The following MEI4 variants were observed in gnomAD, a reference collection of about 807,000 sequenced individuals.
The protein encoded by MEI4 is meiosis-specific protein MEI4.
Under a neutral mutation model 31.4 loss-of-function variants are expected in MEI4, and 27 were observed. The observed-to-expected ratio is 0.86, with a 90% confidence interval of 0.63 to 1.19. MEI4 has a LOEUF of 1.19. MEI4 is among the 50% of genes most tolerant of loss of function. The pLI is 0.00. For synonymous variants in MEI4, 122 were observed against 145.4 expected, an observed-to-expected ratio of 0.84 and a Z score of 1.16; for missense variants, 329 against 398.9, an observed-to-expected ratio of 0.82 and a Z score of 1.49.
At chr6:77,906,300 T>C (rs1018634842) in intron 4 of MEI4, among the ~76,000 whole-genome samples, 1 of 152,180 alleles carries the variant, frequency 6.6e-6, no homozygotes, top group African/African-American at 2.4e-5. Flanking sequence ...AGTCATTTAT[T>C]CAGACTCTGC....
chr6:77,740,934 T>C (rs563546967), intron 2 of MEI4, among the ~76,000 whole-genome samples: 1 of 152,172 alleles, frequency 6.6e-6, no homozygotes, highest in East Asian at 1.9e-4. Flanking sequence ...GTCTTTACAA[T>C]AGGGAGTCAC....
chr6:77,741,785 A>G (rs1181900814), intron 2 of MEI4, among the ~76,000 whole-genome samples: 1 of 98,626 alleles, frequency 1.0e-5, no homozygotes, highest in African/African-American at 4.0e-5. Context: ...CCACCCCACA[A>G]CAGTCCCCAG....
At chr6:77,787,059 A>G (rs1370486102) in intron 3 of MEI4, among the ~76,000 whole-genome samples, 1 of 152,166 alleles carries the variant, frequency 6.6e-6, no homozygotes, top group Non-Finnish European at 1.5e-5. Context: ...CCCTTCTCAG[A>G]TGTACCCTGA....
At chr6:77,727,336 C>T (rs1466714296) in intron 2 of MEI4, among the ~76,000 whole-genome samples, 1 of 152,162 alleles carries the variant, frequency 6.6e-6, no homozygotes, top group Non-Finnish European at 1.5e-5. Context: ...CATTTGTCCT[C>T]AGAAGTGAAG....
At chr6:77,911,690 G>A (rs1441602041) in intron 4 of MEI4, among the ~76,000 whole-genome samples, 1 of 148,016 alleles carries the variant, frequency 6.8e-6, no homozygotes, top group Non-Finnish European at 1.5e-5. Context: ...TATATATAAT[G>A]CATATATTAT....
At chr6:77,907,993 G>GTTTTT (rs36134334) in intron 4 of MEI4, among the ~76,000 whole-genome samples, 1 of 144,294 alleles carries the variant, frequency 6.9e-6, no homozygotes, top group African/African-American at 2.5e-5. Context: ...TGTTGATGGG[G>GTTTTT]TTTTTTTTTT....
At chr6:77,721,052 G>T (rs1278280979) in intron 2 of MEI4, among the ~76,000 whole-genome samples, 1 of 93,676 alleles carries the variant, frequency 1.1e-5, no homozygotes, top group African/African-American at 4.5e-5. Context: ...TTGATTACTC[G>T]TTCTTTCGGC....
At chr6:77,752,223 C>T (rs1224403151) in intron 2 of MEI4, among the ~76,000 whole-genome samples, 1 of 152,190 alleles carries the variant, frequency 6.6e-6, no homozygotes, top group African/African-American at 2.4e-5. Context: ...CAAGGATGCC[C>T]TCTCTCACTA....
chr6:77,915,554 G>A (rs1766526360), intron 4 of MEI4, among the ~76,000 whole-genome samples: 1 of 151,816 alleles, frequency 6.6e-6, no homozygotes, highest in Non-Finnish European at 1.5e-5. Flanking sequence ...TCTTGCTATT[G>A]CTCTCTTTGC....
chr6:77,815,661 TAA>T (rs1167897799), intron 3 of MEI4, among the ~76,000 whole-genome samples: 5 of 152,124 alleles, frequency 3.3e-5, no homozygotes, highest in Non-Finnish European at 7.4e-5. Context: ...AGATACTAGG[TAA>T]AGTCTGAGAA....
Position 77,736,566 on chromosome 6 carries a change from C to G in MEI4, c.233-24564C>G, listed in dbSNP as rs536836899. 1.3e-3 allele frequency among the ~76,000 whole-genome samples: 196 copies of G among 152,228 alleles called. 4 individuals carry two copies. The highest frequency in any genetic ancestry group is 4.7e-3 in the African/African-American group (195 of 41,486). On this transcript the variant is annotated intron_variant, in intron 2 of 4. Transcript: ENST00000684080. Reference sequence around the variant, plus strand: ...CCCTAATGAGATGAACCCTGTACCTCAGATGGAAATGCAGAAATCATTCGT... The same window carrying G: ...CCCTAATGAGATGAACCCTGTACCTGAGATGGAAATGCAGAAATCATTCGT...
chr6:77,708,430 A>T (rs944778904), intron 2 of MEI4, among the ~76,000 whole-genome samples: 1 of 152,192 alleles, frequency 6.6e-6, no homozygotes, highest in Non-Finnish European at 1.5e-5. Flanking sequence ...GGTAGAAGGA[A>T]CTTGTCTTGA....
intron 4 of MEI4, among the ~76,000 whole-genome samples, chr6:77,841,861 G>A (rs150734896): frequency 7.8e-4 from 119 of 152,142 alleles, no homozygotes; most frequent in African/African-American, 2.7e-3. Context: ...ATTACATAAT[G>A]AGAAAAGTGT....
At chr6:77,707,499 C>T (rs570211844) in intron 2 of MEI4, among the ~76,000 whole-genome samples, 2 of 152,148 alleles carry the variant, frequency 1.3e-5, no homozygotes, top group South Asian at 4.1e-4. Context: ...ATGAGTTAGA[C>T]AAGGAAAGAG....
chr6:77,803,927 A>T (rs918869973), intron 3 of MEI4, among the ~76,000 whole-genome samples: 4 of 152,172 alleles, frequency 2.6e-5, no homozygotes, highest in Non-Finnish European at 4.4e-5. Context: ...TCAGGGACCC[A>T]CTTGAGGAGG....
intron 3 of MEI4, among the ~76,000 whole-genome samples, chr6:77,775,813 A>G (rs979868620): frequency 6.6e-6 from 1 of 152,166 alleles, no homozygotes; most frequent in Non-Finnish European, 1.5e-5. Flanking sequence ...CGTTCCCACC[A>G]GAAGTGTAAA....
intron 2 of MEI4, among the ~76,000 whole-genome samples, chr6:77,745,798 A>G (rs1415322197): frequency 1.3e-5 from 2 of 152,218 alleles, no homozygotes; most frequent in African/African-American, 4.8e-5. Context: ...ATCAAACTAG[A>G]ACTCAGGCTT....
At position 77,743,168 on chromosome 6, in the gene MEI4, G is replaced by A. The variant is rs1050097870; in HGVS notation, c.233-17962G>A. 6.6e-5 allele frequency among the ~76,000 whole-genome samples: 10 copies of A among 152,316 alleles called. No homozygotes were observed. The East Asian group carries it at 1.9e-3, about 29-fold the overall frequency. ...TCCAACTCTGTGAAGAAAGTCATTG[G>A]TAGATTGATGGGGATAGCATTGAAT... is the stretch of plus-strand genomic sequence containing the variant. On this transcript the variant is annotated intron_variant, in intron 2 of 4. Transcript: ENST00000684080.
intron 2 of MEI4, among the ~76,000 whole-genome samples, chr6:77,736,255 G>C (rs1025657323): frequency 6.6e-6 from 1 of 151,928 alleles, no homozygotes; most frequent in East Asian, 1.9e-4. Context: ...CTTGCAGTTT[G>C]ATCTCAGAGG....
Sources: allele counts gnomAD v4.1 joint callset (sites outside exome capture counted in the v4.1 genomes callset), GRCh38; gene constraint gnomAD v4.1.1; transcripts MANE v1.5; gene names NCBI Gene and HGNC (gene_info 2026-07-23, HGNC 2026-07-21).